KAZN: variants seen among roughly 807,000 people sequenced by gnomAD.
The protein encoded by KAZN is kazrin, periplakin interacting protein.
Under a neutral mutation model 87.4 loss-of-function variants are expected in KAZN, and 40 were observed. The observed-to-expected ratio is 0.46, with a 90% CI of 0.36 to 0.60. The LOEUF is 0.60. KAZN is among the 20% of genes least tolerant of loss of function. KAZN has a pLI of 0.00. For synonymous variants in KAZN, 466 were observed against 458.3 expected (o/e 1.02, Z -0.22); for missense variants, 898 against 1,073.9 (o/e 0.84, Z 2.29).
chr1:14,478,255 A>AAGGAAGGAAGGAAGGG, intron 2 of KAZN, among the ~76,000 whole-genome samples: 1 of 142,550 alleles, frequency 7.0e-6, no homozygotes. Context: ...GAAAAGAAGG[A>AAGGAAGGAAGGAAGGG]AGGAAGGAAG....
At chr1:14,198,710 T>G (rs1158970833) in intron 2 of KAZN, among the ~76,000 whole-genome samples, 2 of 152,236 alleles carry the variant, frequency 1.3e-5, no homozygotes. Flanking sequence ...TTATAACTAT[T>G]AATATGAAAG....
chr1:14,474,118 G>A (rs1007042950), intron 2 of KAZN, among the ~76,000 whole-genome samples: 4 of 152,156 alleles, frequency 2.6e-5, no homozygotes, highest in Non-Finnish European at 5.9e-5. Context: ...TCCCAGCACT[G>A]ATAAGAGAAC....
intron 2 of KAZN, among the ~76,000 whole-genome samples, chr1:14,541,970 C>T (rs1672839913): frequency 6.6e-6 from 1 of 152,054 alleles, no homozygotes; most frequent in African/African-American, 2.4e-5. Context: ...CCTGTTGAGG[C>T]GATTGTCAGC....
intron 1 of KAZN, among the ~76,000 whole-genome samples, chr1:14,159,091 G>A (rs1276335695): frequency 6.6e-6 from 1 of 152,082 alleles, no homozygotes; most frequent in African/African-American, 2.4e-5. Flanking sequence ...CTCAAGGCCT[G>A]CTGTAACCAC....
intron 2 of KAZN, among the ~76,000 whole-genome samples, chr1:14,196,927 CT>C (rs1313627776): frequency 3.9e-5 from 6 of 151,976 alleles, no homozygotes; most frequent in African/African-American, 1.2e-4. Context: ...CCATAGCAAG[CT>C]GAAGAAAGCA....
chr1:14,354,645 G>GAGACAC (rs1658843068), intron 2 of KAZN, among the ~76,000 whole-genome samples: 1 of 141,466 alleles, frequency 7.1e-6, no homozygotes. Flanking sequence ...AGCTAAATTA[G>GAGACAC]ACACACACAC....
intron 1 of KAZN, among the ~76,000 whole-genome samples, chr1:14,814,364 C>T (rs1328040612): frequency 2.0e-5 from 3 of 152,148 alleles, no homozygotes; most frequent in African/African-American, 2.4e-5. Context: ...GTATCTCCCA[C>T]GCCACCAAGC....
intron 1 of KAZN, among the ~76,000 whole-genome samples, chr1:14,077,413 C>T (rs1332054133): frequency 6.6e-6 from 1 of 152,180 alleles, no homozygotes; most frequent in African/African-American, 2.4e-5. Flanking sequence ...ATGGGTGCTG[C>T]TGCAAAAGAC....
chr1:14,373,009 G>A (rs375154668), intron 2 of KAZN, among the ~76,000 whole-genome samples: 8 of 152,232 alleles, frequency 5.3e-5, no homozygotes, highest in African/African-American at 1.7e-4. Flanking sequence ...GCCCCCTGAG[G>A]AGGTGCCATT....
At chr1:14,621,761 C>T (rs144097366) in intron 1 of KAZN, among the ~76,000 whole-genome samples, 9 of 152,280 alleles carry the variant, frequency 5.9e-5, no homozygotes, top group South Asian at 2.1e-4. Context: ...TGTTGTTTGC[C>T]GCCATGTAAG....
chr1:13,913,189 G>A (rs1639716516), intron 1 of KAZN, among the ~76,000 whole-genome samples: 1 of 152,172 alleles, frequency 6.6e-6, no homozygotes, highest in Non-Finnish European at 1.5e-5. Context: ...CAGAAGCCTA[G>A]CCCTTGCCAG....
chr1:14,431,177 T>A (rs565256930), intron 2 of KAZN, among the ~76,000 whole-genome samples: 2 of 152,346 alleles, frequency 1.3e-5, no homozygotes, highest in African/African-American at 2.4e-5. Context: ...AATAATATTA[T>A]GAGTGGGGTA....
At chr1:14,377,652 C>T (rs1029533883) in intron 2 of KAZN, among the ~76,000 whole-genome samples, 2 of 152,164 alleles carry the variant, frequency 1.3e-5, no homozygotes, top group Non-Finnish European at 2.9e-5. Context: ...CTAAGGTTTT[C>T]AAAATTTAAT....
At chr1:14,554,864 C>T (rs1435973394) in intron 2 of KAZN, among the ~76,000 whole-genome samples, 2 of 152,226 alleles carry the variant, frequency 1.3e-5, no homozygotes, top group African/African-American at 2.4e-5. Context: ...ACACCGACGT[C>T]GAGTCACAAA....
intron 1 of KAZN, among the ~76,000 whole-genome samples, chr1:14,118,702 T>C (rs74057078): frequency 0.12 from 18,723 of 152,192 alleles, 1,404 homozygotes; most frequent in African/African-American, 0.19. Flanking sequence ...GGATGTTCAC[T>C]GAGGAGATCT....
chr1:14,900,481 C>T (rs911238205), intron 1 of KAZN, among the ~76,000 whole-genome samples: 1 of 152,164 alleles, frequency 6.6e-6, no homozygotes, highest in African/African-American at 2.4e-5. Context: ...TGGCCGGGCG[C>T]AGTGGCTCAC....
intron 2 of KAZN, among the ~76,000 whole-genome samples, chr1:14,284,684 G>A (rs905512176): frequency 1.3e-5 from 2 of 152,224 alleles, no homozygotes; most frequent in African/African-American, 4.8e-5. Flanking sequence ...ACAGAAGGTA[G>A]AGTGGAAAGG....
At chr1:14,615,313 G>A (rs955181112) in intron 1 of KAZN, among the ~76,000 whole-genome samples, 2 of 152,180 alleles carry the variant, frequency 1.3e-5, no homozygotes, top group Non-Finnish European at 2.9e-5. Context: ...CCTCGAGCCT[G>A]CAACTAAGAG....
At chr1:14,128,466 G>A (rs1352999330) in intron 1 of KAZN, among the ~76,000 whole-genome samples, 2 of 152,138 alleles carry the variant, frequency 1.3e-5, no homozygotes, top group Non-Finnish European at 2.9e-5. Flanking sequence ...ACTTGCAGAG[G>A]GGTGGTTGCT....
Sources: allele counts gnomAD v4.1 joint callset (sites outside exome capture counted in the v4.1 genomes callset), GRCh38; gene constraint gnomAD v4.1.1; transcripts MANE v1.5; gene names NCBI Gene and HGNC (gene_info 2026-07-23, HGNC 2026-07-21).